Variants in DMD observed in about 807,000 individuals in gnomAD.
DMD encodes the protein dystrophin, also known as mutant dystrophin.
DMD carries 63 observed loss-of-function variants against 330.1 expected under a neutral mutation model. That is an observed-to-expected ratio of 0.19 (90% CI 0.16 to 0.24). DMD has a LOEUF of 0.24. Ranked by LOEUF, DMD falls within the 10% of genes least tolerant of loss-of-function variation. The pLI, the probability that DMD is intolerant of heterozygous loss-of-function variation, is 1.00. For synonymous variants in DMD, 1,223 were observed against 959.8 expected, an observed-to-expected ratio of 1.27 and a Z score of -5.07; for missense variants, 3,344 against 2,684.1, an observed-to-expected ratio of 1.25 and a Z score of -5.43.
chrX:32,971,299 T>G (rs924939129), intron 2 of DMD, among the ~76,000 whole-genome samples: 9 of 111,579 alleles, frequency 8.1e-5, no homozygotes, highest in Non-Finnish European at 1.3e-4. Context: ...GATTGTGCTG[T>G]ATTTTTTAAT....
chrX:31,528,716 AT>A (rs748934575), intron 55 of DMD, among the ~76,000 whole-genome samples: 3 of 112,244 alleles, frequency 2.7e-5, no homozygotes, highest in African/African-American at 6.5e-5. Flanking sequence ...AAGAAAATAT[AT>A]GGTGAGTATT....
At chrX:31,679,338 C>G (rs1398472293) in intron 53 of DMD, 37 bp downstream of exon 53, 1 of 1,037,670 alleles carries the variant, frequency 9.6e-7, no homozygotes, top group Non-Finnish European at 1.3e-6. Context: ...CAAATGTAAC[C>G]AGTATTTTAT....
intron 43 of DMD, among the ~76,000 whole-genome samples, chrX:32,238,444 T>TGAGAGAGA (rs200601285): frequency 3.3e-4 from 33 of 98,999 alleles, no homozygotes; most frequent in African/African-American, 7.5e-4. Flanking sequence ...AAGCAATGCA[T>TGAGAGAGA]GAGAGAGAGA....
intron 7 of DMD, among the ~76,000 whole-genome samples, chrX:32,710,476 TAGAG>T (rs2065089446): frequency 9.0e-6 from 1 of 111,047 alleles, no homozygotes; most frequent in Non-Finnish European, 1.9e-5. Flanking sequence ...ATTTCCAAAT[TAGAG>T]AGCATTAGCA....
chrX:31,565,701 C>T lies in DMD; in HGVS notation c.8218-58248G>A, dbSNP rs964532822. Among the ~76,000 whole-genome samples, 8 of 111,912 alleles carry T rather than the reference C, an allele frequency of 7.1e-5. No individual in the cohort carries two copies. The Admixed American group carries it at 7.6e-4, about 11-fold the overall frequency. ...TTACAGAAAATTGATAAACAGTTTGCTACAGTGGCTGTACCATTTTACATT... is the reference window on the plus strand; with the variant it reads ...TTACAGAAAATTGATAAACAGTTTGTTACAGTGGCTGTACCATTTTACATT... On this transcript the variant is annotated intron_variant, in intron 55 of 78. Coordinates refer to ENST00000357033, the MANE Select transcript of DMD (RefSeq NM_004006.3).
At chrX:32,819,848 T>TA (rs35344665) in intron 5 of DMD, among the ~76,000 whole-genome samples, 4,953 of 80,867 alleles carry the variant, frequency 0.061, 322 homozygotes, top group African/African-American at 0.17. Context: ...AATGTTGGTG[T>TA]AAAAAAAAAA....
At chrX:33,266,302 C>T (rs1250598251) in intron 1 of DMD, among the ~76,000 whole-genome samples, 1 of 111,232 alleles carries the variant, frequency 9.0e-6, no homozygotes, top group Non-Finnish European at 1.9e-5. Context: ...GATTTTTGAC[C>T]CAGGAAGTAC....
intron 33 of DMD, among the ~76,000 whole-genome samples, chrX:32,385,665 T>C (rs1294921658): frequency 9.0e-6 from 1 of 110,757 alleles, no homozygotes; most frequent in Non-Finnish European, 1.9e-5. Context: ...GATGGAGAGA[T>C]ATAGGCATCT....
intron 1 of DMD, among the ~76,000 whole-genome samples, chrX:33,131,432 A>T (rs1325191204): frequency 8.9e-6 from 1 of 112,125 alleles, no homozygotes; most frequent in Non-Finnish European, 1.9e-5. Context: ...TTATCAAATT[A>T]GGTGCTCATC....
At chrX:31,191,631 G>A (rs2042375300) in intron 67 of DMD, among the ~76,000 whole-genome samples, 1 of 111,705 alleles carries the variant, frequency 9.0e-6, no homozygotes, top group Admixed American at 9.5e-5. Context: ...GGTAAGTTGT[G>A]ACTTGCTCCT....
chrX:31,456,346 G>A (rs2066157793), intron 59 of DMD, among the ~76,000 whole-genome samples: 1 of 112,143 alleles, frequency 8.9e-6, no homozygotes, highest in South Asian at 3.8e-4. Context: ...CTGCAAAGCA[G>A]TAGGTAATAA....
At chrX:33,084,602 A>C (rs936729469) in intron 1 of DMD, among the ~76,000 whole-genome samples, 2 of 111,129 alleles carry the variant, frequency 1.8e-5, no homozygotes, top group African/African-American at 6.5e-5. Flanking sequence ...GTTTATTGAT[A>C]TGGGTAGTGC....
intron 4 of DMD, among the ~76,000 whole-genome samples, chrX:32,829,021 G>A (rs1379738381): frequency 9.0e-6 from 1 of 111,114 alleles, no homozygotes; most frequent in Non-Finnish European, 1.9e-5. Flanking sequence ...GATAACATTT[G>A]TAGAATGCTT....
intron 54 of DMD, 108 bp from the exon 55 acceptor site, chrX:31,627,970 A>T (rs1443795752): frequency 1.4e-6 from 1 of 726,171 alleles, no homozygotes; most frequent in African/African-American, 2.1e-5. Context: ...ATATACCAAC[A>T]ATGGGGTGAG....
chrX:31,550,519 G>A (rs2074414094), intron 55 of DMD, among the ~76,000 whole-genome samples: 2 of 111,548 alleles, frequency 1.8e-5, no homozygotes. Context: ...CTCTTTACTC[G>A]TTTAATTATG....
intron 2 of DMD, among the ~76,000 whole-genome samples, chrX:33,016,318 T>C (rs1311189130): frequency 9.0e-6 from 1 of 111,517 alleles, no homozygotes; most frequent in East Asian, 2.8e-4. Context: ...TCAGAAGAAG[T>C]TAATCATTTA....
chrX:32,793,703 A>C (rs1402110521), intron 7 of DMD, among the ~76,000 whole-genome samples: 1 of 112,039 alleles, frequency 8.9e-6, no homozygotes, highest in East Asian at 2.8e-4. Flanking sequence ...ACCGTGGATC[A>C]AGAAGAAATA....
At chrX:32,131,341 T>G (rs1174967415) in intron 44 of DMD, among the ~76,000 whole-genome samples, 1 of 112,385 alleles carries the variant, frequency 8.9e-6, no homozygotes, top group Non-Finnish European at 1.9e-5. Context: ...AGATAATCAA[T>G]GGATAGGTGA....
chrX:31,241,603 C>T (rs779898597), intron 63 of DMD, among the ~76,000 whole-genome samples: 11 of 111,610 alleles, frequency 9.9e-5, no homozygotes, highest in Non-Finnish European at 1.3e-4. Context: ...ATTTTGAAGA[C>T]ATATAACTCC....
Sources: gnomAD v4.1 joint callset for allele counts (sites outside exome capture counted in the v4.1 genomes callset) on GRCh38, gnomAD v4.1.1 for gene constraint, MANE v1.5 for transcripts, NCBI Gene and HGNC (gene_info 2026-07-23, HGNC 2026-07-21) for gene names.